Variants in ZFPM1 observed in about 807,000 individuals in gnomAD.
ZFPM1 encodes the protein zinc finger protein ZFPM1.
Under a neutral mutation model 46.3 loss-of-function variants are expected in ZFPM1, and 28 were observed. The ratio of observed to expected loss-of-function variants is 0.60; its 90% CI spans 0.45 to 0.83. The LOEUF (loss-of-function observed/expected upper bound fraction) is 0.83, where lower values mean the gene tolerates loss of function less well. ZFPM1 is among the 40% of genes least tolerant of loss of function. The pLI is 0.00. For synonymous variants in ZFPM1, 957 were observed against 675.9 expected (o/e 1.42, Z -6.45); for missense variants, 1,878 against 1,432.4 (o/e 1.31, Z -5.02).
intron 1 of ZFPM1, among the ~76,000 whole-genome samples, chr16:88,463,666 G>A (rs1471505648): frequency 1.3e-5 from 2 of 152,242 alleles, no homozygotes; most frequent in East Asian, 1.9e-4. Context: ...AGATCTGGGC[G>A]GGGAAACCAC....
Position 88,533,669 on chromosome 16 carries a change from C to G in ZFPM1, c.1711C>G (p.Pro571Ala). The change falls in exon 10 of 10, where the codon CCC (proline) becomes GCC (alanine). Residue 571 changes from proline (P) to alanine (A), a missense_variant. Coordinates refer to ENST00000319555, the MANE Select transcript of ZFPM1 (RefSeq NM_153813.3). ...GAGGAQTGLFPGAPKGATCFE... is the reference protein window; with the variant it reads ...GAGGAQTGLFAGAPKGATCFE... ...CGGCGGCGCGCAGACCGGGCTCTTC[C>G]CCGGGGCCCCCAAGGGCGCTACGTG... 1.4e-5 allele frequency: 21 copies of G among 1,486,906 alleles called. No homozygotes were observed. Among genetic ancestry groups the G allele is most frequent in the Non-Finnish European group, 1.8e-5 (20 of 1,114,002 alleles). The allele number at this position is 1,486,906 out of a possible 1,614,324, so 92.1% of individuals were successfully genotyped here.
chr16:88,529,183 G>C (rs968109435), intron 6 of ZFPM1, among the ~76,000 whole-genome samples: 1 of 152,272 alleles, frequency 6.6e-6, no homozygotes, highest in Non-Finnish European at 1.5e-5. Context: ...AGGACAGCGC[G>C]TGGCCATCGT....
intron 1 of ZFPM1, among the ~76,000 whole-genome samples, chr16:88,461,207 CCA>C (rs1907861487): frequency 9.4e-6 from 1 of 106,736 alleles, no homozygotes; most frequent in Admixed American, 8.6e-5. Context: ...TGGTGAGGAC[CCA>C]GGGGCGGGAG....
intron 1 of ZFPM1, among the ~76,000 whole-genome samples, chr16:88,484,409 T>C (rs1909103870): frequency 6.6e-6 from 1 of 152,214 alleles, no homozygotes; most frequent in Non-Finnish European, 1.5e-5. Flanking sequence ...TGTCTTCTGT[T>C]CTGCCCCACC....
At chr16:88,478,008 G>A (rs919224706) in intron 1 of ZFPM1, among the ~76,000 whole-genome samples, 12 of 152,164 alleles carry the variant, frequency 7.9e-5, no homozygotes, top group African/African-American at 2.9e-4. Flanking sequence ...GGTGGGTCTG[G>A]GACTCAGAAG....
At chr16:88,512,497 C>G (rs1013783371) in intron 3 of ZFPM1, among the ~76,000 whole-genome samples, 1 of 152,180 alleles carries the variant, frequency 6.6e-6, no homozygotes, top group Non-Finnish European at 1.5e-5. Flanking sequence ...TGGGTCCAGA[C>G]GTGCCCTCAG....
At chr16:88,487,393 C>A (rs1265888716) in intron 2 of ZFPM1, among the ~76,000 whole-genome samples, 1 of 152,214 alleles carries the variant, frequency 6.6e-6, no homozygotes, top group Non-Finnish European at 1.5e-5. Flanking sequence ...GGGATGTGGC[C>A]ATACCCGGAC....
At chr16:88,524,949 C>T (rs1912196504) in intron 4 of ZFPM1, among the ~76,000 whole-genome samples, 1 of 152,270 alleles carries the variant, frequency 6.6e-6, no homozygotes, top group African/African-American at 2.4e-5. Context: ...GGCACCCACC[C>T]CACTGGCCAG....
intron 3 of ZFPM1, among the ~76,000 whole-genome samples, chr16:88,490,947 C>T (rs1044908290): frequency 1.3e-5 from 2 of 152,086 alleles, no homozygotes; most frequent in African/African-American, 4.8e-5. Context: ...GTCCCTTCTC[C>T]TCAGGGACAC....
chr16:88,461,080 TCTGGTGAGGACCAA>T lies in ZFPM1; in HGVS notation c.40+7403_40+7416del, dbSNP rs1567525635. Among the ~76,000 whole-genome samples, 41 of 59,040 alleles carry T rather than the reference TCTGGTGAGGACCAA, an allele frequency of 6.9e-4. 2 individuals carry two copies. Among genetic ancestry groups the T allele is most frequent in the East Asian group, 3.7e-3 (7 of 1,890 alleles). 38.7% of individuals were successfully genotyped at this position (59,040 alleles called of 152,430 possible). ...CTGGTGAGGACCCAGGGGCAGAAGG[TCTGGTGAGGACCAA>T]GGGGCAGGAGGCCCTGGTGAGGACC... On this transcript the variant is annotated intron_variant, in intron 1 of 9. Coordinates refer to ENST00000319555, the MANE Select transcript of ZFPM1 (RefSeq NM_153813.3).
intron 6 of ZFPM1, among the ~76,000 whole-genome samples, chr16:88,528,909 G>A (rs1033455969): frequency 3.9e-5 from 6 of 152,344 alleles, no homozygotes; most frequent in Admixed American, 2.0e-4. Context: ...GCCGCCCCTG[G>A]GGACAACTGA....
At chr16:88,489,516 G>A (rs553909570) in intron 3 of ZFPM1, among the ~76,000 whole-genome samples, 68 of 152,208 alleles carry the variant, frequency 4.5e-4, no homozygotes, top group East Asian at 3.9e-4. Flanking sequence ...GCCCGGGCCC[G>A]TGGCCTTCCC....
chr16:88,501,181 CG>C (rs142101777), intron 3 of ZFPM1, among the ~76,000 whole-genome samples: 21,489 of 98,950 alleles, frequency 0.22, 3,933 homozygotes, highest in East Asian at 0.39. Flanking sequence ...GACATGGGTG[CG>C]GGGGCCCTCC....
chr16:88,494,062 A>G (rs1041262556), intron 3 of ZFPM1, among the ~76,000 whole-genome samples: 5 of 152,166 alleles, frequency 3.3e-5, no homozygotes, highest in African/African-American at 1.2e-4. Flanking sequence ...AGCCTCCACG[A>G]GGAGGGGGAC....
intron 4 of ZFPM1, among the ~76,000 whole-genome samples, chr16:88,514,951 C>T (rs545755325): frequency 8.5e-5 from 13 of 152,268 alleles, no homozygotes; most frequent in Admixed American, 7.2e-4. Flanking sequence ...GCCGTCAGGC[C>T]CATGGTCTCC....
At position 88,534,190 on chromosome 16, in the gene ZFPM1, C is replaced by G; in HGVS notation, c.2232C>G (p.Arg744=). The change falls in exon 10 of 10, where the codon CGC becomes CGG. Residue 744 remains arginine (R), a synonymous_variant. Coordinates refer to ENST00000319555, the MANE Select transcript of ZFPM1 (RefSeq NM_153813.3). The stretch of plus-strand genomic sequence containing the variant: ...CGCCTGTGCGCACGCGCAGACGCCG[C>G]AAGCTCTACGAGCTGCACGCGGCCG... ...PAAPVRTRRR[R]KLYELHAAGA... The G allele has an allele frequency of 1.0e-6, 1 of 988,844 alleles. No individual in the cohort carries two copies. Among genetic ancestry groups the G allele is most frequent in the Non-Finnish European group, 1.2e-6 (1 of 834,434 alleles). The allele number at this position is 988,844 out of a possible 1,614,324, so 61.3% of individuals were successfully genotyped here.
intron 3 of ZFPM1, among the ~76,000 whole-genome samples, chr16:88,491,643 G>C (rs1348553597): frequency 1.3e-5 from 2 of 152,206 alleles, no homozygotes; most frequent in Non-Finnish European, 2.9e-5. Flanking sequence ...ATGGAGCCTG[G>C]CGCCGGGAAG....
Position 88,493,621 on chromosome 16 carries a change from A to G in ZFPM1, c.268+4468A>G, listed in dbSNP as rs370039310. Among the ~76,000 whole-genome samples, 325 of 42,756 alleles carry G rather than the reference A, an allele frequency of 7.6e-3. 1 individual carries two copies. The highest frequency in any genetic ancestry group is 0.028 in the Middle Eastern group (1 of 36). 28.0% of individuals were successfully genotyped at this position (42,756 alleles called of 152,430 possible). The stretch of plus-strand genomic sequence containing the variant: ...GGTAGGGAGAGCTGTCCCGGGGTAC[A>G]GAGAGCTGTCCCGGGGTGCGGTGAG... On this transcript the variant is annotated intron_variant, in intron 3 of 9. Coordinates refer to ENST00000319555, the MANE Select transcript of ZFPM1 (RefSeq NM_153813.3).
Position 88,485,272 on chromosome 16 carries a change from G to T in ZFPM1, c.41-667G>T, listed in dbSNP as rs142477844. Among the ~76,000 whole-genome samples the T allele has an allele frequency of 5.3e-3, 812 of 152,262 alleles. 4 individuals are homozygous for T. The highest frequency in any genetic ancestry group is 9.8e-3 in the Non-Finnish European group (666 of 68,006). ...GGTGGGGGCCTGTCCCCTGGTGCTG[G>T]GGGGAGCAGGTGGGAAAGAGACACG... is the stretch of plus-strand genomic sequence containing the variant. On this transcript the variant is annotated intron_variant, in intron 1 of 9. Coordinates refer to ENST00000319555, the MANE Select transcript of ZFPM1 (RefSeq NM_153813.3).
Sources: gnomAD v4.1 joint callset for allele counts (sites outside exome capture counted in the v4.1 genomes callset) on GRCh38, gnomAD v4.1.1 for gene constraint, MANE v1.5 for transcripts, NCBI Gene and HGNC (gene_info 2026-07-23, HGNC 2026-07-21) for gene names.